FBXL17: variants seen among roughly 807,000 people sequenced by gnomAD.
The protein encoded by FBXL17 is F-box and leucine rich repeat protein 17.
Under a neutral mutation model 66.2 loss-of-function variants are expected in FBXL17, and 22 were observed. The ratio of observed to expected loss-of-function variants is 0.33; its 90% CI spans 0.24 to 0.47. FBXL17 has a LOEUF of 0.47. Among genes scored for constraint, FBXL17 ranks in the 20% least tolerant of loss-of-function variants. FBXL17 has a pLI of 1.00. For synonymous variants in FBXL17, 474 were observed against 400.5 expected (o/e 1.18, Z -2.19); for missense variants, 878 against 948.2 (o/e 0.93, Z 0.97).
At chr5:108,035,391 A>G (rs1440009801) in intron 6 of FBXL17, among the ~76,000 whole-genome samples, 1 of 151,804 alleles carries the variant, frequency 6.6e-6, no homozygotes, top group Non-Finnish European at 1.5e-5. Context: ...TCTGAGATGG[A>G]GTGTCGCTTT....
intron 4 of FBXL17, among the ~76,000 whole-genome samples, chr5:108,248,022 T>C (rs1287101768): frequency 1.3e-5 from 2 of 152,230 alleles, no homozygotes; most frequent in Non-Finnish European, 2.9e-5. Flanking sequence ...TATCTGCTAA[T>C]GTAGCACCTA....
rs867074184 is a variant in FBXL17, at chr5:108,374,862, A to T, written c.993+5837T>A. ...AAAACAAACACATATAGCAAAATCT[A>T]TGGGATACAGAAACAAGTAACTACA... On this transcript the variant is annotated intron_variant, in intron 1 of 8. Coordinates refer to ENST00000542267, the MANE Select transcript of FBXL17 (RefSeq NM_001163315.3). Among the ~76,000 whole-genome samples the T allele has an allele frequency of 9.9e-5, 15 of 152,272 alleles. No individual in the cohort carries two copies. The Middle Eastern group carries it at 0.01, about 104-fold the overall frequency.
At chr5:108,185,980 T>G (rs1321776386) in intron 6 of FBXL17, 137 bp downstream of exon 6, 3 of 691,088 alleles carry the variant, frequency 4.3e-6, no homozygotes, top group African/African-American at 3.6e-5. Context: ...TCTAGATGGT[T>G]TTCAAAACTT....
chr5:108,073,207 T>C (rs950328864), intron 6 of FBXL17, among the ~76,000 whole-genome samples: 1 of 152,112 alleles, frequency 6.6e-6, no homozygotes, highest in South Asian at 2.1e-4. Context: ...TCTTAATGGA[T>C]AAAAATCGGA....
chr5:108,125,262 T>G (rs1416532924), intron 6 of FBXL17, among the ~76,000 whole-genome samples: 3 of 152,058 alleles, frequency 2.0e-5, no homozygotes, highest in Non-Finnish European at 1.5e-5. Flanking sequence ...TCAAAATATT[T>G]CATGTACCCC....
chr5:108,310,662 T>G (rs965886482), intron 4 of FBXL17, among the ~76,000 whole-genome samples: 1 of 152,190 alleles, frequency 6.6e-6, no homozygotes, highest in Admixed American at 6.5e-5. Context: ...AGCTAGCTAC[T>G]CAAAATTAAG....
chr5:107,917,544 C>A (rs1409168774), intron 7 of FBXL17, among the ~76,000 whole-genome samples: 1 of 152,146 alleles, frequency 6.6e-6, no homozygotes, highest in Non-Finnish European at 1.5e-5. Flanking sequence ...AAGCACAGAA[C>A]CGAATAAACA....
intron 7 of FBXL17, among the ~76,000 whole-genome samples, chr5:107,934,946 ATCAGTGTTCTGAAAATGTAGACC>A (rs1487990604): frequency 6.6e-6 from 1 of 152,194 alleles, no homozygotes; most frequent in Non-Finnish European, 1.5e-5. Context: ...TGGAAATAAA[ATCAGTGTTCTGAAAATGTAGACC>A]TCAAGTCAGG....
chr5:108,370,107 G>A (rs558919430), intron 1 of FBXL17, among the ~76,000 whole-genome samples: 4 of 152,244 alleles, frequency 2.6e-5, no homozygotes, highest in Admixed American at 2.6e-4. Context: ...TTTGGGATGT[G>A]GGAGGAAACC....
intron 4 of FBXL17, among the ~76,000 whole-genome samples, chr5:108,247,120 G>T (rs1203295408): frequency 6.6e-6 from 1 of 152,120 alleles, no homozygotes; most frequent in Non-Finnish European, 1.5e-5. Context: ...GTGATGGTGG[G>T]ATAATGTGCA....
chr5:108,094,714 T>C (rs976528105), intron 6 of FBXL17, among the ~76,000 whole-genome samples: 4 of 152,086 alleles, frequency 2.6e-5, no homozygotes, highest in Non-Finnish European at 4.4e-5. Flanking sequence ...AGGGCCCCCA[T>C]AGTCTGCTCT....
intron 7 of FBXL17, among the ~76,000 whole-genome samples, chr5:107,995,888 T>G (rs904970302): frequency 6.6e-6 from 1 of 151,978 alleles, no homozygotes; most frequent in African/African-American, 2.4e-5. Flanking sequence ...CATGGAAAAA[T>G]GAGACAATGA....
intron 7 of FBXL17, among the ~76,000 whole-genome samples, chr5:107,915,624 T>C (rs1225231607): frequency 6.6e-6 from 1 of 152,186 alleles, no homozygotes; most frequent in East Asian, 1.9e-4. Context: ...AATCTAGTCT[T>C]GGGACATATA....
chr5:107,964,225 A>C (rs1364682721), intron 7 of FBXL17, among the ~76,000 whole-genome samples: 2 of 152,116 alleles, frequency 1.3e-5, no homozygotes, highest in African/African-American at 4.8e-5. Context: ...GCCCAAAGAG[A>C]TCACTTTGTC....
At position 108,032,485 on chromosome 5, in the gene FBXL17, T is replaced by G. The variant is rs80049815; in HGVS notation, c.1746-11484A>C. ...GATTTTGAGATGGAGAGATTTTATC[T>G]TGGATTATCTGGGTGGGCTGTAAAT... On this transcript the variant is annotated intron_variant, in intron 6 of 8. Transcript: ENST00000542267. Among the ~76,000 whole-genome samples the G allele has an allele frequency of 3.9e-5, 6 of 152,080 alleles. No individual in the cohort carries two copies. In the East Asian group the frequency reaches 7.7e-4, roughly 20 times the overall value.
At chr5:108,274,624 G>C (rs1399715018) in intron 4 of FBXL17, among the ~76,000 whole-genome samples, 1 of 152,154 alleles carries the variant, frequency 6.6e-6, no homozygotes, top group Non-Finnish European at 1.5e-5. Flanking sequence ...GACAGGCATA[G>C]GAAATCACAA....
chr5:107,987,725 G>A (rs1561354211), intron 7 of FBXL17, among the ~76,000 whole-genome samples: 1 of 152,166 alleles, frequency 6.6e-6, no homozygotes, highest in East Asian at 1.9e-4. Context: ...TTTAGCACAT[G>A]TTGAATAGAT....
At chr5:107,984,970 T>G (rs1214144524) in intron 7 of FBXL17, among the ~76,000 whole-genome samples, 1 of 152,196 alleles carries the variant, frequency 6.6e-6, no homozygotes, top group East Asian at 1.9e-4. Flanking sequence ...AAAATCAGAA[T>G]GAATTAGTAT....
chr5:108,171,916 A>G (rs1752619324), intron 6 of FBXL17, among the ~76,000 whole-genome samples: 1 of 151,452 alleles, frequency 6.6e-6, no homozygotes, highest in South Asian at 2.1e-4. Context: ...GGTTTTAAAA[A>G]GAGGAGTTCC....
Sources: allele counts gnomAD v4.1 joint callset (sites outside exome capture counted in the v4.1 genomes callset), GRCh38; gene constraint gnomAD v4.1.1; transcripts MANE v1.5; gene names NCBI Gene and HGNC (gene_info 2026-07-23, HGNC 2026-07-21).